NCKAP1L: variants seen among roughly 807,000 people sequenced by gnomAD.
NCKAP1L encodes the protein nck-associated protein 1-like.
In NCKAP1L, 53 loss-of-function variants were observed where a neutral mutation model predicts 139.2. That is an observed-to-expected ratio of 0.38 (90% CI 0.31 to 0.48). The LOEUF (loss-of-function observed/expected upper bound fraction) is 0.48, where lower values mean the gene tolerates loss of function less well. NCKAP1L is among the 20% of genes least tolerant of loss of function. The probability of loss-of-function intolerance (pLI) is 0.98; values close to 1 mark genes in which losing one functional copy is unlikely to be tolerated. For synonymous variants in NCKAP1L, 468 were observed against 499.7 expected (o/e 0.94, Z 0.85); for missense variants, 1,151 against 1,381.9 (o/e 0.83, Z 2.65).
chr12:54,533,221 G>C (rs1456778869), intron 26 of NCKAP1L, among the ~76,000 whole-genome samples: 1 of 152,168 alleles, frequency 6.6e-6, no homozygotes, highest in Non-Finnish European at 1.5e-5. Context: ...GCTCTAGGCT[G>C]TCAGGAGCTT....
At chr12:54,531,673 G>T (rs959078184) in intron 24 of NCKAP1L, 70 bp from the exon 25 acceptor site, 2 of 1,600,110 alleles carry the variant, frequency 1.2e-6, no homozygotes, top group Non-Finnish European at 8.6e-7. Flanking sequence ...GCTAGGCGGG[G>T]TCTGTAGAAT....
rs749862051 is a variant in NCKAP1L at position 54,536,950 on chromosome 12, A to G, written c.3080A>G (p.Asn1027Ser). The G allele has an allele frequency of 1.2e-6, 2 of 1,609,562 alleles. No homozygotes were observed. The highest frequency in any genetic ancestry group is 2.2e-5 in the South Asian group (2 of 90,994). Residue 1027 changes from asparagine (N) to serine (S), a missense_variant, in exon 29 of 31, where the codon AAC (asparagine) becomes AGC (serine). By Grantham distance (46) the Asn-to-Ser change is conservative (BLOSUM62 1). Coordinates refer to ENST00000293373, the MANE Select transcript of NCKAP1L (RefSeq NM_005337.5). ...TATATCAATAATAACCTAGGTTACAACAACAATATTCATTGCTTGACCAAA... is the reference window on the plus strand; with the variant it reads ...TATATCAATAATAACCTAGGTTACAGCAACAATATTCATTGCTTGACCAAA... The part of the protein sequence containing the change: ...SFYSIEKDGY[N>S]NNIHCLTKAI...
chr12:54,530,307 A>T (rs1957057665), intron 22 of NCKAP1L, among the ~76,000 whole-genome samples: 1 of 152,214 alleles, frequency 6.6e-6, no homozygotes, highest in Admixed American at 6.5e-5. Flanking sequence ...TCATAGCTAG[A>T]GCTCCTTCCT....
chr12:54,519,414 A>C, intron 16 of NCKAP1L, 82 bp downstream of exon 16: 1 of 1,085,658 alleles, frequency 9.2e-7, no homozygotes. Flanking sequence ...CACTTACTTC[A>C]AAGAATTTTG....
At chr12:54,501,135 T>G (rs1956794965) in intron 3 of NCKAP1L, among the ~76,000 whole-genome samples, 1 of 152,212 alleles carries the variant, frequency 6.6e-6, no homozygotes, top group Admixed American at 6.5e-5. Context: ...TTCCAGCCCC[T>G]TGCCATCACA....
chr12:54,499,429 C>T lies in NCKAP1L; in HGVS notation c.177C>T (p.Asn59=). The T allele has an allele frequency of 1.2e-6, 2 of 1,610,000 alleles. No homozygotes were observed. The highest frequency in any genetic ancestry group is 1.7e-6 in the Non-Finnish European group (2 of 1,176,208). The change falls in exon 2 of 31, where the codon AAC becomes AAT. Residue 59 remains asparagine, a synonymous_variant. Transcript: ENST00000293373. ...KSMEPSLKYI[N]KKFPNIDVRN... ...TGGAACCATCTCTCAAGTATATCAA[C>T]AAGAAATTTCCCAACATAGATGTCC...
At chr12:54,512,764 ATGTGTG>A (rs55837974) in intron 9 of NCKAP1L, among the ~76,000 whole-genome samples, 19,444 of 149,812 alleles carry the variant, frequency 0.13, 1,623 homozygotes, top group African/African-American at 0.24. Flanking sequence ...GAGTGTGTGT[ATGTGTG>A]TGTGTGTGTG....
rs755615935 is a variant in NCKAP1L at position 54,507,845 on chromosome 12, A to AC, written c.307-3dup. ...TTTATTAATTCTTGTCTTCACTTCC[A>AC]CCCCCAGGATCATGTATATGAACTT... On this transcript the variant is annotated splice_region_variant and splice_polypyrimidine_tract_variant and intron_variant, in intron 3 of 30. Coordinates refer to ENST00000293373, the MANE Select transcript of NCKAP1L (RefSeq NM_005337.5). 4.4e-5 allele frequency: 71 copies of AC among 1,612,844 alleles called. No individual in the cohort carries two copies. The African/African-American group carries it at 8.2e-4, about 19-fold the overall frequency.
At chr12:54,505,474 C>T (rs1203121835) in intron 3 of NCKAP1L, among the ~76,000 whole-genome samples, 1 of 150,834 alleles carries the variant, frequency 6.6e-6, no homozygotes, top group Non-Finnish European at 1.5e-5. Context: ...TTCAGCCAAT[C>T]CCTACCCTTC....
intron 22 of NCKAP1L, 40 bp downstream of exon 22, chr12:54,528,417 C>A: frequency 6.2e-7 from 1 of 1,602,136 alleles, no homozygotes; most frequent in Non-Finnish European, 8.5e-7. Context: ...GGAGCTGAGC[C>A]CTTCCTTCAA....
At chr12:54,501,856 A>G (rs561669830) in intron 3 of NCKAP1L, among the ~76,000 whole-genome samples, 1 of 152,178 alleles carries the variant, frequency 6.6e-6, no homozygotes, top group East Asian at 1.9e-4. Flanking sequence ...ATTCTCACCA[A>G]CGGTGCATAA....
chr12:54,540,069 C>CA (rs1343012098), intron 30 of NCKAP1L, among the ~76,000 whole-genome samples: 2 of 152,106 alleles, frequency 1.3e-5, no homozygotes, highest in African/African-American at 4.8e-5. Flanking sequence ...TGGAGGAGCC[C>CA]AAAAATTCTT....
At chr12:54,502,696 T>C (rs1488955721) in intron 3 of NCKAP1L, among the ~76,000 whole-genome samples, 2 of 151,580 alleles carry the variant, frequency 1.3e-5, no homozygotes, top group African/African-American at 4.9e-5. Context: ...ACAGGAAATA[T>C]AACATTATGG....
Position 54,528,257 on chromosome 12 carries a change from A to G in NCKAP1L, c.2386A>G (p.Ser796Gly). The change falls in exon 22 of 31, where the codon AGT becomes GGT. Residue 796 changes from serine (S) to glycine (G), a missense_variant. Coordinates refer to ENST00000293373, the MANE Select transcript of NCKAP1L (RefSeq NM_005337.5). ...TGGCCAACCCTGTAGGTACCTGGAAAGTCTGCTTAGACAGGCAAGCAGTGG... is the reference window on the plus strand; with the variant it reads ...TGGCCAACCCTGTAGGTACCTGGAAGGTCTGCTTAGACAGGCAAGCAGTGG... ...TTLYTNWYLESLLRQASSGTI... is the reference protein window; with the variant it reads ...TTLYTNWYLEGLLRQASSGTI... The G allele has an allele frequency of 6.2e-7, 1 of 1,613,798 alleles. No homozygotes were observed. Among genetic ancestry groups the G allele is most frequent in the East Asian group, 2.2e-5 (1 of 44,860 alleles).
intron 29 of NCKAP1L, among the ~76,000 whole-genome samples, 165 bp from the exon 30 acceptor site, chr12:54,538,719 T>A (rs1332836878): frequency 6.6e-6 from 1 of 152,242 alleles, no homozygotes; most frequent in African/African-American, 2.4e-5. Context: ...ATAGGCAACA[T>A]GTATCTCTGA....
Position 54,509,924 on chromosome 12 carries a change from C to G in NCKAP1L, c.674C>G (p.Ala225Gly), listed in dbSNP as rs748729228. 6.2e-7 allele frequency: 1 copy of G among 1,614,226 alleles called. No individual in the cohort carries two copies. The highest frequency in any genetic ancestry group is 2.2e-5 in the East Asian group (1 of 44,888). Reference protein sequence around the residue: ...RNQGAEQWRSAQLLSLISNPP... With the variant: ...RNQGAEQWRSGQLLSLISNPP... ...CAGGGGGCTGAGCAGTGGCGCAGTG[C>G]CCAACTTCTAAGCCTCATCAGCAAC... is the stretch of plus-strand genomic sequence containing the variant. Residue 225 changes from alanine to glycine, a missense_variant, in exon 7 of 31, where the codon GCC (alanine) becomes GGC (glycine). By Grantham distance (60) the Ala-to-Gly change is moderately conservative. Coordinates refer to ENST00000293373, the MANE Select transcript of NCKAP1L (RefSeq NM_005337.5).
intron 25 of NCKAP1L, 134 bp from the exon 26 acceptor site, chr12:54,532,036 A>G: frequency 1.3e-6 from 1 of 778,928 alleles, no homozygotes; most frequent in Non-Finnish European, 2.0e-6. Flanking sequence ...GCATAAGGAG[A>G]GGGATGGCTT....
intron 17 of NCKAP1L, 98 bp downstream of exon 17, chr12:54,520,924 A>G (rs1956977874): frequency 1.3e-6 from 2 of 1,534,170 alleles, no homozygotes; most frequent in South Asian, 1.1e-5. Flanking sequence ...CAGAAAGGGT[A>G]TAAACATAGA....
chr12:54,510,464 C>A (rs1046539556), intron 7 of NCKAP1L: 1 of 281,138 alleles, frequency 3.6e-6, no homozygotes, highest in Non-Finnish European at 7.1e-6. Flanking sequence ...GCTGGGACTA[C>A]AGGTGTGTGT....
Sources: gnomAD v4.1 joint callset for allele counts (sites outside exome capture counted in the v4.1 genomes callset) on GRCh38, gnomAD v4.1.1 for gene constraint, MANE v1.5 for transcripts, NCBI Gene and HGNC (gene_info 2026-07-23, HGNC 2026-07-21) for gene names.